The following C1D variants were observed in gnomAD, a reference collection of about 807,000 sequenced individuals.
The protein encoded by C1D is nuclear nucleic acid-binding protein C1D.
Under a neutral mutation model 17.5 loss-of-function variants are expected in C1D, and 10 were observed. The observed-to-expected ratio is 0.57, with a 90% CI of 0.35 to 0.97. The LOEUF (loss-of-function observed/expected upper bound fraction) is 0.97, where lower values mean the gene tolerates loss of function less well. C1D is among the 50% of genes least tolerant of loss of function. The probability of loss-of-function intolerance (pLI) is 0.01; values close to 1 mark genes in which losing one functional copy is unlikely to be tolerated. For synonymous variants in C1D, 49 were observed against 54.0 expected, an observed-to-expected ratio of 0.91 and a Z score of 0.40; for missense variants, 136 against 160.1, an observed-to-expected ratio of 0.85 and a Z score of 0.81.
intron 1 of C1D, among the ~76,000 whole-genome samples, chr2:68,061,556 GTTGA>G (rs934314226): frequency 6.6e-6 from 1 of 152,096 alleles, no homozygotes; most frequent in Non-Finnish European, 1.5e-5. Context: ...ACATATGGAA[GTTGA>G]TTATTACAAT....
intron 1 of C1D, 148 bp from the exon 2 acceptor site, chr2:68,047,467 G>T (rs1236516241): frequency 3.4e-5 from 20 of 588,920 alleles, no homozygotes; most frequent in Non-Finnish European, 3.9e-5. Context: ...TTTAATTCTA[G>T]ATTAACTACA....
Position 68,057,045 on chromosome 2 carries a change from T to G in C1D, c.-10+5913A>C, listed in dbSNP as rs1671458275. Among the ~76,000 whole-genome samples, 9 of 152,320 alleles carry G rather than the reference T, an allele frequency of 5.9e-5. 1 individual carries two copies. In the South Asian group the frequency reaches 1.9e-3, roughly 32 times the overall value. On this transcript the variant is annotated intron_variant, in intron 1 of 4. Coordinates refer to ENST00000410067, the MANE Select transcript of C1D (RefSeq NM_173177.3). ...AAATAAATTATGATATGCCCACCTA[T>G]TAAAATACTCTGCAGTAGTGAAAAG... is the stretch of plus-strand genomic sequence containing the variant.
intron 4 of C1D, among the ~76,000 whole-genome samples, chr2:68,044,100 CTATCCAAGCACTCCAG>C: frequency 6.6e-6 from 1 of 152,322 alleles, no homozygotes; most frequent in South Asian, 2.1e-4. Flanking sequence ...AACTGCAGTC[CTATCCAAGCACTCCAG>C]TCCCCCTTAC....
intron 1 of C1D, among the ~76,000 whole-genome samples, chr2:68,050,119 G>C (rs184708603): frequency 6.6e-6 from 1 of 152,286 alleles, no homozygotes; most frequent in Admixed American, 6.5e-5. Flanking sequence ...CATACCCTTT[G>C]ACTCAGGAAA....
intron 1 of C1D, among the ~76,000 whole-genome samples, chr2:68,055,586 T>C (rs1671414962): frequency 6.6e-6 from 1 of 151,710 alleles, no homozygotes. Flanking sequence ...ATAAACCAAG[T>C]GGAAAAAGAT....
At chr2:68,058,957 G>A (rs1671539034) in intron 1 of C1D, among the ~76,000 whole-genome samples, 2 of 152,046 alleles carry the variant, frequency 1.3e-5, no homozygotes, top group Admixed American at 1.3e-4. Context: ...TTGAGGTCCT[G>A]TCATAGTCCT....
Position 68,042,658 on chromosome 2 carries a change from G to A in C1D, c.*231C>T, listed in dbSNP as rs1670992683. 1 of 281,638 alleles carries A rather than the reference G, an allele frequency of 3.6e-6. No homozygotes were observed. The highest frequency in any genetic ancestry group is 1.2e-3 in the Middle Eastern group (1 of 862). 17.4% of individuals were successfully genotyped at this position (281,638 alleles called of 1,614,324 possible). A position where few individuals can be genotyped will look rare whatever the true frequency, so the allele number is the denominator to read the frequency against. ...TATAAAGAAATAAGAGTCTCATCAAGAGATGGTAAATTATAAATATATAAT... is the reference window on the plus strand; with the variant it reads ...TATAAAGAAATAAGAGTCTCATCAAAAGATGGTAAATTATAAATATATAAT... On this transcript the variant is annotated 3_prime_UTR_variant, in exon 5 of 5. Transcript: ENST00000410067.
rs532650517 is a variant in C1D, at chr2:68,041,472, T to A, written c.*1417A>T. 1 of 152,136 alleles carries A rather than the reference T, an allele frequency of 6.6e-6. No homozygotes were observed. Among genetic ancestry groups the A allele is most frequent in the South Asian group, 2.1e-4 (1 of 4,830 alleles). The allele number at this position is 152,136 out of a possible 1,614,324, so 9.4% of individuals were successfully genotyped here. On this transcript the variant is annotated 3_prime_UTR_variant, in exon 5 of 5. Coordinates refer to ENST00000410067, the MANE Select transcript of C1D (RefSeq NM_173177.3). ...ACACATTTCTCTCATGAAGAGGTTA[T>A]TTTTAAAAATAGCTAGAAATTTGGA...
intron 1 of C1D, among the ~76,000 whole-genome samples, chr2:68,052,387 A>G (rs1671313905): frequency 6.6e-6 from 1 of 151,678 alleles, no homozygotes; most frequent in African/African-American, 2.4e-5. Flanking sequence ...TTTTAATAAA[A>G]AACAAATAAA....
intron 4 of C1D, 96 bp from the exon 5 acceptor site, chr2:68,043,149 G>T: frequency 1.1e-6 from 1 of 891,650 alleles, no homozygotes. Context: ...CAACATATAT[G>T]TATTTATTGC....
intron 1 of C1D, among the ~76,000 whole-genome samples, chr2:68,058,508 T>A (rs1451966246): frequency 6.6e-6 from 1 of 152,156 alleles, no homozygotes; most frequent in Non-Finnish European, 1.5e-5. Context: ...ACTCTACGAC[T>A]GGGCACTAAT....
intron 1 of C1D, among the ~76,000 whole-genome samples, chr2:68,051,247 G>A (rs1009031422): frequency 1.3e-5 from 2 of 152,206 alleles, no homozygotes; most frequent in Non-Finnish European, 2.9e-5. Context: ...GGCCCGGCCT[G>A]GTGGCTCATG....
At chr2:68,048,361 A>G (rs1671193696) in intron 1 of C1D, among the ~76,000 whole-genome samples, 1 of 152,206 alleles carries the variant, frequency 6.6e-6, no homozygotes, top group Non-Finnish European at 1.5e-5. Context: ...AGCAAATAGC[A>G]TTGCAGAATG....
chr2:68,055,519 T>C (rs2103811616), intron 1 of C1D, among the ~76,000 whole-genome samples: 1 of 149,962 alleles, frequency 6.7e-6, no homozygotes, highest in South Asian at 2.1e-4. Context: ...GAAGAAGAGA[T>C]TTAAGAGATG....
At chr2:68,054,520 C>T (rs1671380991) in intron 1 of C1D, among the ~76,000 whole-genome samples, 1 of 152,172 alleles carries the variant, frequency 6.6e-6, no homozygotes, top group Non-Finnish European at 1.5e-5. Context: ...CTGATTGAAT[C>T]AGGCCCACCC....
intron 1 of C1D, among the ~76,000 whole-genome samples, chr2:68,055,469 C>G (rs1203365455): frequency 6.8e-6 from 1 of 146,328 alleles, no homozygotes; most frequent in Non-Finnish European, 1.5e-5. Flanking sequence ...AAGTCAACAG[C>G]ATGAAGCAAA....
intron 1 of C1D, among the ~76,000 whole-genome samples, chr2:68,056,549 T>A (rs1173124747): frequency 6.6e-6 from 1 of 152,144 alleles, no homozygotes; most frequent in Non-Finnish European, 1.5e-5. Context: ...AAGATTTTTT[T>A]AAAGCCTCTA....
At position 68,042,459 on chromosome 2, in the gene C1D, C is replaced by A. The variant is rs1670984651; in HGVS notation, c.*430G>T. The A allele has an allele frequency of 6.5e-6, 1 of 153,144 alleles. No homozygotes were observed. The highest frequency in any genetic ancestry group is 2.4e-5 in the African/African-American group (1 of 41,444). 9.5% of individuals were successfully genotyped at this position (153,144 alleles called of 1,614,324 possible). ...TACAGAAAAAAATGAACATTTAAGT[C>A]ATTTCACGCTTTCTTAATATCATAT... On this transcript the variant is annotated 3_prime_UTR_variant, in exon 5 of 5. Coordinates refer to ENST00000410067, the MANE Select transcript of C1D (RefSeq NM_173177.3).
rs1011119678 is a variant in C1D at position 68,049,535 on chromosome 2, T to C, written c.-9-2216A>G. Among the ~76,000 whole-genome samples, 4 of 152,178 alleles carry C rather than the reference T, an allele frequency of 2.6e-5. No homozygotes were observed. In the East Asian group the frequency reaches 7.7e-4, roughly 29 times the overall value. ...AAACTAAAAAGAAGTACATAAACCA[T>C]ACAGATCATTAACCACAGAAAAAGA... On this transcript the variant is annotated intron_variant, in intron 1 of 4. Coordinates refer to ENST00000410067, the MANE Select transcript of C1D (RefSeq NM_173177.3).
Sources: allele counts gnomAD v4.1 joint callset (sites outside exome capture counted in the v4.1 genomes callset), GRCh38; gene constraint gnomAD v4.1.1; transcripts MANE v1.5; gene names NCBI Gene and HGNC (gene_info 2026-07-23, HGNC 2026-07-21).